DMD: variants seen among roughly 807,000 people sequenced by gnomAD.
DMD encodes the protein mutant dystrophin.
Under a neutral mutation model 330.1 loss-of-function variants are expected in DMD, and 63 were observed. The ratio of observed to expected loss-of-function variants is 0.19; its 90% confidence interval spans 0.16 to 0.24. DMD has a LOEUF of 0.24. DMD is among the 10% of genes least tolerant of loss of function. DMD has a pLI of 1.00. For synonymous variants in DMD, 1,223 were observed against 959.8 expected (o/e 1.27, Z -5.07); for missense variants, 3,344 against 2,684.1 (o/e 1.25, Z -5.43).
At chrX:32,730,250 C>A (rs768988092) in intron 7 of DMD, among the ~76,000 whole-genome samples, 1 of 112,240 alleles carries the variant, frequency 8.9e-6, no homozygotes, top group African/African-American at 3.2e-5. Flanking sequence ...GGAGGCTGAG[C>A]TAGAAGGATC....
At chrX:31,782,285 A>T (rs1412402733) in intron 50 of DMD, among the ~76,000 whole-genome samples, 1 of 111,070 alleles carries the variant, frequency 9.0e-6, no homozygotes, top group Non-Finnish European at 1.9e-5. Flanking sequence ...TGGTCAAGTC[A>T]CTTGTTTCGG....
chrX:31,867,686 TG>T (rs929938735), intron 48 of DMD, among the ~76,000 whole-genome samples: 13 of 111,404 alleles, frequency 1.2e-4, no homozygotes, highest in African/African-American at 3.9e-4. Flanking sequence ...TATAGTTGTA[TG>T]GGTCAACTAT....
chrX:32,266,094 C>T (rs1428554311), intron 43 of DMD, among the ~76,000 whole-genome samples: 1 of 111,843 alleles, frequency 8.9e-6, no homozygotes, highest in Non-Finnish European at 1.9e-5. Flanking sequence ...CCTGTAATCC[C>T]CATGTGTCAT....
intron 2 of DMD, among the ~76,000 whole-genome samples, chrX:33,006,029 G>A (rs1475473055): frequency 1.8e-5 from 2 of 110,869 alleles, no homozygotes; most frequent in Non-Finnish European, 3.8e-5. Context: ...AAATACTGAG[G>A]AATAAATCTA....
At chrX:31,948,428 T>A (rs1263726557) in intron 45 of DMD, among the ~76,000 whole-genome samples, 2 of 111,535 alleles carry the variant, frequency 1.8e-5, no homozygotes, top group Non-Finnish European at 3.8e-5. Context: ...ATTTTTAACT[T>A]TTTCAAGAAC....
In DMD at chrX:31,809,623, T is replaced by C. The variant is rs149943622; in HGVS notation, c.7309+10352A>G. On this transcript the variant is annotated intron_variant, in intron 50 of 78. Coordinates refer to ENST00000357033, the MANE Select transcript of DMD (RefSeq NM_004006.3). Reference sequence around the variant, plus strand: ...CATATTTTCATAAAAATACTGAAGATGAGAGAAGGAATAAACCTTATGAAT... The same window carrying C: ...CATATTTTCATAAAAATACTGAAGACGAGAGAAGGAATAAACCTTATGAAT... Among the ~76,000 whole-genome samples the C allele has an allele frequency of 3.0e-3, 335 of 110,764 alleles. 3 individuals are homozygous for C. The highest frequency in any genetic ancestry group is 9.7e-3 in the African/African-American group (295 of 30,555).
intron 7 of DMD, among the ~76,000 whole-genome samples, chrX:32,736,251 A>G (rs1334863455): frequency 9.0e-6 from 1 of 111,542 alleles, no homozygotes; most frequent in Non-Finnish European, 1.9e-5. Flanking sequence ...GCGATCATTA[A>G]AAAGTCAGGA....
Position 32,955,904 on chromosome X carries a change from G to C in DMD, c.93+64235C>G, listed in dbSNP as rs150348316. On this transcript the variant is annotated intron_variant, in intron 2 of 78. Transcript: ENST00000357033. ...TTTTGTTCCATTGATCCATGTGTCT[G>C]TTCTTGTACCAGTATCATGCTGTTT... Among the ~76,000 whole-genome samples, 718 of 111,922 alleles carry C rather than the reference G, an allele frequency of 6.4e-3. 10 individuals are homozygous for C. The East Asian group carries it at 0.09, about 14-fold the overall frequency.
At chrX:32,245,597 T>G (rs2097232781) in intron 43 of DMD, among the ~76,000 whole-genome samples, 7 of 74,352 alleles carry the variant, frequency 9.4e-5, no homozygotes, top group Admixed American at 1.6e-4. Context: ...CCCATGAGCA[T>G]GGAATGTTCT....
chrX:32,592,350 C>G (rs750232426), intron 13 of DMD, among the ~76,000 whole-genome samples: 5 of 110,976 alleles, frequency 4.5e-5, no homozygotes, highest in Admixed American at 9.5e-5. Flanking sequence ...AAACCCCAGA[C>G]TCAGACAAAC....
intron 1 of DMD, among the ~76,000 whole-genome samples, chrX:33,328,898 G>A (rs776438807): frequency 3.6e-5 from 4 of 111,429 alleles, no homozygotes; most frequent in Admixed American, 9.6e-5. Context: ...AAAGATATCT[G>A]TCTAGATGTT....
In DMD at chrX:32,133,060, G is replaced by A. The variant is rs757865779; in HGVS notation, c.6438+83856C>T. On this transcript the variant is annotated intron_variant, in intron 44 of 78. Coordinates refer to ENST00000357033, the MANE Select transcript of DMD (RefSeq NM_004006.3). Reference sequence around the variant, plus strand: ...CTCGCTCCATCGCCCAGGTTGGAGCGCAGTGGCACAATCTTTTGGCTCACT... The same window carrying A: ...CTCGCTCCATCGCCCAGGTTGGAGCACAGTGGCACAATCTTTTGGCTCACT... Among the ~76,000 whole-genome samples, 30 of 96,972 alleles carry A rather than the reference G, an allele frequency of 3.1e-4. No homozygotes were observed. In the East Asian group the frequency reaches 4.2e-3, roughly 14 times the overall value. 84.2% of individuals were successfully genotyped at this position (96,972 alleles called of 115,157 possible).
At chrX:32,999,790 AAAC>A (rs2093227565) in intron 2 of DMD, among the ~76,000 whole-genome samples, 1 of 102,388 alleles carries the variant, frequency 9.8e-6, no homozygotes, top group African/African-American at 3.5e-5. Flanking sequence ...ACAAAAACAA[AAAC>A]AAAAACAAAA....
At chrX:32,812,190 A>G (rs2077417426) in intron 6 of DMD, among the ~76,000 whole-genome samples, 1 of 111,926 alleles carries the variant, frequency 8.9e-6, no homozygotes, top group Non-Finnish European at 1.9e-5. Context: ...ATATCTGTGA[A>G]CAGAGTCTAC....
intron 1 of DMD, among the ~76,000 whole-genome samples, chrX:33,150,454 C>T (rs1055696910): frequency 3.7e-5 from 4 of 109,370 alleles, no homozygotes; most frequent in Non-Finnish European, 7.6e-5. Context: ...CCACCACGCC[C>T]GGCTAATCTT....
At chrX:31,522,490 G>A (rs2147366805) in intron 55 of DMD, among the ~76,000 whole-genome samples, 1 of 104,543 alleles carries the variant, frequency 9.6e-6, no homozygotes, top group African/African-American at 3.6e-5. Flanking sequence ...AGATTTTTTG[G>A]TAACATCATC....
chrX:32,794,792 T>G, intron 7 of DMD, among the ~76,000 whole-genome samples: 1 of 111,565 alleles, frequency 9.0e-6, no homozygotes, highest in African/African-American at 3.3e-5. Context: ...CAGAAAGCTC[T>G]CAGATCTGAT....
At chrX:31,859,690 A>G (rs1034043818) in intron 48 of DMD, among the ~76,000 whole-genome samples, 1 of 112,570 alleles carries the variant, frequency 8.9e-6, no homozygotes, top group Non-Finnish European at 1.9e-5. Context: ...GTGAATAAAC[A>G]GCTTCATGAA....
At chrX:31,416,040 G>T (rs930969564) in intron 60 of DMD, among the ~76,000 whole-genome samples, 2 of 112,124 alleles carry the variant, frequency 1.8e-5, no homozygotes, top group Non-Finnish European at 3.8e-5. Flanking sequence ...TTAAATAATG[G>T]TGTTACAATA....
Sources: gnomAD v4.1 joint callset for allele counts (sites outside exome capture counted in the v4.1 genomes callset) on GRCh38, gnomAD v4.1.1 for gene constraint, MANE v1.5 for transcripts, NCBI Gene and HGNC (gene_info 2026-07-23, HGNC 2026-07-21) for gene names.